Variants in NOL4L observed in about 807,000 individuals in gnomAD.
NOL4L encodes nucleolar protein 4-like.
NOL4L carries 7 observed loss-of-function variants against 64.5 expected under a neutral mutation model. The observed-to-expected ratio is 0.11, with a 90% CI of 0.06 to 0.20. The LOEUF is 0.20. Among genes scored for constraint, NOL4L ranks in the 10% least tolerant of loss-of-function variants. The pLI, the probability that NOL4L is intolerant of heterozygous loss-of-function variation, is 1.00. For synonymous variants in NOL4L, 413 were observed against 401.0 expected, an observed-to-expected ratio of 1.03 and a Z score of -0.36; for missense variants, 680 against 967.1, an observed-to-expected ratio of 0.70 and a Z score of 3.94.
intron 1 of NOL4L, among the ~76,000 whole-genome samples, chr20:32,540,176 C>T (rs2018628646): frequency 6.6e-6 from 1 of 152,180 alleles, no homozygotes; most frequent in African/African-American, 2.4e-5. Flanking sequence ...CCTGAGGTAG[C>T]CTCTGGGCCC....
rs184292667 is a variant in NOL4L at position 32,515,994 on chromosome 20, C to G, written c.590-4538G>C. Among the ~76,000 whole-genome samples the G allele has an allele frequency of 3.1e-3, 476 of 152,324 alleles. 5 individuals carry two copies. The highest frequency in any genetic ancestry group is 0.011 in the African/African-American group (443 of 41,566). On this transcript the variant is annotated intron_variant, in intron 3 of 10. Transcript: ENST00000621426. ...GGGCCAAGCCAGGTTGTTTGCTGGCCTGTGCAGCTGGGCGCCAATGGCACT... is the reference window on the plus strand; with the variant it reads ...GGGCCAAGCCAGGTTGTTTGCTGGCGTGTGCAGCTGGGCGCCAATGGCACT...
At chr20:32,511,200 G>A (rs1484012652) in intron 4 of NOL4L, 147 bp downstream of exon 4, 19 of 570,350 alleles carry the variant, frequency 3.3e-5, no homozygotes, top group South Asian at 1.2e-4. Context: ...CCGCCTCTCC[G>A]CCTGGACAAC....
chr20:32,467,715 T>C (rs577354581), intron 5 of NOL4L, among the ~76,000 whole-genome samples: 19 of 152,200 alleles, frequency 1.2e-4, no homozygotes, highest in Non-Finnish European at 2.8e-4. Context: ...CCTGGCAAGG[T>C]GGGCCAAGAT....
chr20:32,578,145 AG>A (rs1980241315), intron 1 of NOL4L, among the ~76,000 whole-genome samples: 28 of 45,226 alleles, frequency 6.2e-4, no homozygotes, highest in African/African-American at 2.9e-3. Flanking sequence ...GGAAGGAGGG[AG>A]GGAGGGAGGG....
At chr20:32,488,880 TTTCTTTC>T (rs1568649585) in intron 4 of NOL4L, among the ~76,000 whole-genome samples, 15 of 99,938 alleles carry the variant, frequency 1.5e-4, no homozygotes, top group Non-Finnish European at 3.7e-5. Flanking sequence ...TCTTTCTTTC[TTTCTTTC>T]TTTCTTTCCT....
chr20:32,568,860 G>A (rs577667647), intron 1 of NOL4L, among the ~76,000 whole-genome samples: 5 of 152,310 alleles, frequency 3.3e-5, no homozygotes, highest in South Asian at 2.1e-4. Flanking sequence ...TGATGGGACT[G>A]CAGGCTGCTT....
Position 32,494,608 on chromosome 20 carries a change from T to A in NOL4L, c.699+16739A>T. Among the ~76,000 whole-genome samples the A allele has an allele frequency of 1.3e-5, 2 of 152,228 alleles. 1 individual carries two copies. Among genetic ancestry groups the A allele is most frequent in the East Asian group, 3.8e-4 (2 of 5,206 alleles). The stretch of plus-strand genomic sequence containing the variant: ...AGTTTTCTTGATATTATGCCCTGAA[T>A]CAACATTCTCCCTTATCTTTTTCAA... On this transcript the variant is annotated intron_variant, in intron 4 of 10. Coordinates refer to ENST00000621426, the MANE Select transcript of NOL4L (RefSeq NM_001256798.2).
chr20:32,449,279 C>A (rs866123178), intron 10 of NOL4L, among the ~76,000 whole-genome samples: 2 of 152,222 alleles, frequency 1.3e-5, no homozygotes, highest in Non-Finnish European at 2.9e-5. Context: ...GGGTGTGAGG[C>A]TCCCCCAGCT....
chr20:32,481,614 GGTGGTGTCGCCCAGCTCAAGA>G (rs1312726556), intron 4 of NOL4L, among the ~76,000 whole-genome samples: 1 of 152,188 alleles, frequency 6.6e-6, no homozygotes, highest in East Asian at 1.9e-4. Flanking sequence ...TGCTGAATAG[GGTGGTGTCGCCCAGCTCAAGA>G]GGTGCTGTCT....
intron 10 of NOL4L, among the ~76,000 whole-genome samples, 195 bp downstream of exon 10, chr20:32,452,041 T>TTCC (rs562039258): frequency 4.0e-4 from 61 of 152,322 alleles, no homozygotes; most frequent in African/African-American, 1.5e-3. Flanking sequence ...CTCCTTCACC[T>TTCC]TCCAATCTAA....
chr20:32,509,808 T>C, intron 4 of NOL4L: 1 of 1,303,944 alleles, frequency 7.7e-7, no homozygotes, highest in South Asian at 1.2e-5. Flanking sequence ...TTTAGTGCCA[T>C]TCTGTATGAA....
intron 5 of NOL4L, among the ~76,000 whole-genome samples, chr20:32,461,815 T>G (rs1417426456): frequency 2.0e-5 from 3 of 151,076 alleles, no homozygotes; most frequent in Non-Finnish European, 4.4e-5. Context: ...GCAATACTAC[T>G]GTGTTTATTG....
intron 4 of NOL4L, among the ~76,000 whole-genome samples, chr20:32,481,569 G>A (rs867754796): frequency 1.1e-4 from 17 of 152,184 alleles, no homozygotes; most frequent in Non-Finnish European, 2.1e-4. Flanking sequence ...GAGGAAGGCC[G>A]CAGTGAGCTC....
At chr20:32,475,126 G>A (rs1397324443) in intron 4 of NOL4L, 9 of 985,334 alleles carry the variant, frequency 9.1e-6, no homozygotes, top group East Asian at 1.1e-4. Flanking sequence ...CACAGGACCC[G>A]GCGGCAAGAA....
intron 1 of NOL4L, among the ~76,000 whole-genome samples, chr20:32,548,048 C>T (rs150598420): frequency 1.5e-3 from 235 of 152,290 alleles, no homozygotes; most frequent in African/African-American, 5.1e-3. Context: ...TAACACTTTG[C>T]CAACAAGGAC....
intron 1 of NOL4L, among the ~76,000 whole-genome samples, chr20:32,567,253 G>A (rs1979487049): frequency 6.6e-6 from 1 of 152,186 alleles, no homozygotes; most frequent in Non-Finnish European, 1.5e-5. Context: ...CCTTCCAAGA[G>A]ACCCTGGCTT....
chr20:32,467,867 G>A lies in NOL4L; in HGVS notation c.841+6734C>T, dbSNP rs139828996. Among the ~76,000 whole-genome samples, 738 of 152,314 alleles carry A rather than the reference G, an allele frequency of 4.8e-3. 8 individuals are homozygous for A. The highest frequency in any genetic ancestry group is 0.016 in the African/African-American group (670 of 41,570). On this transcript the variant is annotated intron_variant, in intron 5 of 10. Coordinates refer to ENST00000621426, the MANE Select transcript of NOL4L (RefSeq NM_001256798.2). ...CCAGGGAGGAGGCACACAGGGGAGG[G>A]GGCCGGGCCAAGGAGAAGAGGCCAA...
At chr20:32,554,765 G>A (rs1263535397) in intron 1 of NOL4L, among the ~76,000 whole-genome samples, 1 of 152,140 alleles carries the variant, frequency 6.6e-6, no homozygotes, top group Non-Finnish European at 1.5e-5. Flanking sequence ...ATCCAAATCA[G>A]GGTAGGGGAC....
chr20:32,529,152 C>T (rs1363857890), intron 1 of NOL4L, among the ~76,000 whole-genome samples: 4 of 152,158 alleles, frequency 2.6e-5, no homozygotes, highest in Non-Finnish European at 5.9e-5. Flanking sequence ...GGTTTGAATA[C>T]GGCCCCATCA....
Sources: allele counts gnomAD v4.1 joint callset (sites outside exome capture counted in the v4.1 genomes callset), GRCh38; gene constraint gnomAD v4.1.1; transcripts MANE v1.5; gene names NCBI Gene and HGNC (gene_info 2026-07-23, HGNC 2026-07-21).